The following ZNF583 variants were observed in gnomAD, a reference collection of about 807,000 sequenced individuals.
ZNF583 encodes the protein zinc finger protein L3-5.
Under a neutral mutation model 55.3 loss-of-function variants are expected in ZNF583, and 30 were observed. The ratio of observed to expected loss-of-function variants is 0.54; its 90% CI spans 0.41 to 0.74. ZNF583 has a LOEUF of 0.74. Among genes scored for constraint, ZNF583 ranks in the 30% least tolerant of loss-of-function variants. The pLI is 0.00. For synonymous variants in ZNF583, 208 were observed against 220.0 expected (o/e 0.95, Z 0.48); for missense variants, 504 against 664.7 (o/e 0.76, Z 2.66).
chr19:56,415,857 C>T (rs2042313127), intron 4 of ZNF583, among the ~76,000 whole-genome samples: 2 of 152,078 alleles, frequency 1.3e-5, no homozygotes, highest in South Asian at 2.1e-4. Context: ...TCAGCCACTG[C>T]CCCCAGCCTG....
At position 56,424,032 on chromosome 19, in the gene ZNF583, T is replaced by C. The variant is rs1242672454; in HGVS notation, c.1374T>C (p.His458=). The C allele has an allele frequency of 1.2e-6, 2 of 1,613,970 alleles. No individual in the cohort carries two copies. The highest frequency in any genetic ancestry group is 2.2e-5 in the East Asian group (1 of 44,880). ...CACTTGCACAACATCAGAGAAGTCA[T>C]ACTGGAGAAAAACCCTATATGTGTA... ...SSSLAQHQRS[H]TGEKPYMCKE... The change falls in exon 5 of 5, where the codon CAT becomes CAC. Residue 458 remains histidine, a synonymous_variant. Transcript: ENST00000333201.
chr19:56,406,233 A>G (rs1053199517), intron 1 of ZNF583, among the ~76,000 whole-genome samples: 1 of 152,200 alleles, frequency 6.6e-6, no homozygotes, highest in African/African-American at 2.4e-5. Flanking sequence ...CACTCTGTGT[A>G]TAGAGATGCT....
chr19:56,411,975 G>A (rs915861784), intron 2 of ZNF583, among the ~76,000 whole-genome samples: 3 of 152,158 alleles, frequency 2.0e-5, no homozygotes, highest in African/African-American at 7.2e-5. Flanking sequence ...TCTGCAAAGA[G>A]TCATATAAGA....
intron 4 of ZNF583, 119 bp from the exon 5 acceptor site, chr19:56,422,772 G>T: frequency 6.5e-6 from 4 of 616,992 alleles, no homozygotes; most frequent in African/African-American, 1.9e-5. Flanking sequence ...CATTATTTTA[G>T]AATGCATTAT....
intron 2 of ZNF583, among the ~76,000 whole-genome samples, chr19:56,413,455 CAT>C (rs2042268782): frequency 1.3e-5 from 2 of 152,194 alleles, no homozygotes; most frequent in Admixed American, 1.3e-4. Context: ...AAGCATCAAA[CAT>C]ATTTATATAT....
chr19:56,411,835 T>C (rs1356548382), intron 2 of ZNF583, among the ~76,000 whole-genome samples: 1 of 152,256 alleles, frequency 6.6e-6, no homozygotes, highest in Non-Finnish European at 1.5e-5. Context: ...CCTTTATAGA[T>C]AACCTCCTTA....
intron 2 of ZNF583, among the ~76,000 whole-genome samples, chr19:56,408,049 G>A (rs1328045426): frequency 6.6e-6 from 1 of 152,054 alleles, no homozygotes; most frequent in Admixed American, 6.6e-5. Context: ...GTGATAAATA[G>A]GCCCTGTCTT....
At position 56,407,101 on chromosome 19, in the gene ZNF583, GA is replaced by G. The variant is rs2042165889; in HGVS notation, c.-12del. 6.2e-7 allele frequency: 1 copy of G among 1,614,098 alleles called. No individual in the cohort carries two copies. The highest frequency in any genetic ancestry group is 1.3e-5 in the African/African-American group (1 of 75,030). On this transcript the variant is annotated 5_prime_UTR_variant, in exon 2 of 5. Coordinates refer to ENST00000333201, the MANE Select transcript of ZNF583 (RefSeq NM_152478.3). ...AGGACAGAAGAACTGTCAAATTCTG[GA>G]ATCCTTAAAGCCATGTCCAAGGTAA...
rs574204477 is a variant in ZNF583 at position 56,423,845 on chromosome 19, C to T, written c.1187C>T (p.Ala396Val). The stretch of plus-strand genomic sequence containing the variant: ...GCCTTCAGCCAGTATGCACACCTTG[C>T]TCAACATCAGAGAGTTCATACTGGA... ...RKAFSQYAHL[A>V]QHQRVHTGEK... The change falls in exon 5 of 5, where the codon GCT becomes GTT. Residue 396 changes from alanine to valine, a missense_variant. Transcript: ENST00000333201. The T allele has an allele frequency of 4.3e-6, 7 of 1,613,900 alleles. No individual in the cohort carries two copies. The highest frequency in any genetic ancestry group is 5.1e-6 in the Non-Finnish European group (6 of 1,179,936).
intron 2 of ZNF583, among the ~76,000 whole-genome samples, chr19:56,409,439 C>T (rs1477109453): frequency 2.6e-5 from 4 of 151,954 alleles, no homozygotes; most frequent in Non-Finnish European, 5.9e-5. Context: ...CCACCCCAGA[C>T]CTCCTGAATC....
chr19:56,423,607 G>A lies in ZNF583; in HGVS notation c.949G>A (p.Val317Ile), dbSNP rs768458959. The change falls in exon 5 of 5, where the codon GTT (valine) becomes ATT (isoleucine). Residue 317 changes from valine to isoleucine, a missense_variant. Transcript: ENST00000333201. ...QIAHLTQHQR[V>I]HTGERPFECI... is the part of the protein sequence containing the mutation. ...TGCACACCTGACTCAGCATCAGAGA[G>A]TTCATACTGGAGAGAGACCTTTCGA... 1 of 1,613,858 alleles carries A rather than the reference G, an allele frequency of 6.2e-7. No homozygotes were observed. The highest frequency in any genetic ancestry group is 1.3e-5 in the African/African-American group (1 of 74,850).
At chr19:56,421,534 C>A in intron 4 of ZNF583, 1 of 980,058 alleles carries the variant, frequency 1.0e-6, no homozygotes, top group Non-Finnish European at 1.2e-6. Flanking sequence ...AAGTATGTTG[C>A]CTTCAGATTC....
At chr19:56,409,989 T>C (rs1190201011) in intron 2 of ZNF583, among the ~76,000 whole-genome samples, 1 of 152,208 alleles carries the variant, frequency 6.6e-6, no homozygotes, top group East Asian at 1.9e-4. Flanking sequence ...TAGTAATCCT[T>C]CTTTCTTCTG....
intron 4 of ZNF583, among the ~76,000 whole-genome samples, chr19:56,420,808 T>A (rs1451027671): frequency 6.6e-6 from 1 of 152,212 alleles, no homozygotes. Flanking sequence ...ATAAACAGCA[T>A]ATAATTGTGT....
chr19:56,422,309 T>C (rs2042427943), intron 4 of ZNF583, among the ~76,000 whole-genome samples: 1 of 152,196 alleles, frequency 6.6e-6, no homozygotes, highest in South Asian at 2.1e-4. Context: ...AAACTACTCT[T>C]ATATGAAGGC....
At chr19:56,408,166 G>T (rs554676601) in intron 2 of ZNF583, among the ~76,000 whole-genome samples, 1 of 152,110 alleles carries the variant, frequency 6.6e-6, no homozygotes, top group Admixed American at 6.5e-5. Flanking sequence ...AAAATTCTCT[G>T]CACTTAGAGA....
At chr19:56,418,960 T>C (rs1387574627) in intron 4 of ZNF583, among the ~76,000 whole-genome samples, 1 of 152,180 alleles carries the variant, frequency 6.6e-6, no homozygotes, top group Non-Finnish European at 1.5e-5. Context: ...TTATAATAAA[T>C]GGATCAGATA....
At chr19:56,406,015 G>A (rs1401533181) in intron 1 of ZNF583, among the ~76,000 whole-genome samples, 1 of 152,192 alleles carries the variant, frequency 6.6e-6, no homozygotes, top group Non-Finnish European at 1.5e-5. Flanking sequence ...GAGGTCTGCT[G>A]GACAAGAATT....
At position 56,405,776 on chromosome 19, in the gene ZNF583, A is replaced by G. The variant is rs184376806; in HGVS notation, c.-89-1250A>G. 4.6e-3 allele frequency among the ~76,000 whole-genome samples: 702 copies of G among 152,332 alleles called. 6 individuals carry two copies. Among genetic ancestry groups the G allele is most frequent in the Non-Finnish European group, 5.0e-3 (342 of 68,030 alleles). ...AGATGAAAATTAAGCACTGTGCTCAATGCTTTATGTAGATCATTTCAGAAT... is the reference window on the plus strand; with the variant it reads ...AGATGAAAATTAAGCACTGTGCTCAGTGCTTTATGTAGATCATTTCAGAAT... On this transcript the variant is annotated intron_variant, in intron 1 of 4. Coordinates refer to ENST00000333201, the MANE Select transcript of ZNF583 (RefSeq NM_152478.3).
Sources: gnomAD v4.1 joint callset for allele counts (sites outside exome capture counted in the v4.1 genomes callset) on GRCh38, gnomAD v4.1.1 for gene constraint, MANE v1.5 for transcripts, NCBI Gene and HGNC (gene_info 2026-07-23, HGNC 2026-07-21) for gene names.